TTC28: variants seen among roughly 807,000 people sequenced by gnomAD.
The protein encoded by TTC28 is tetratricopeptide repeat protein 28.
Under a neutral mutation model 198.0 loss-of-function variants are expected in TTC28, and 61 were observed. The observed-to-expected ratio is 0.31, with a 90% CI of 0.25 to 0.38. The LOEUF is 0.38. TTC28 is among the 10% of genes least tolerant of loss of function. The pLI is 1.00. For missense variants in TTC28, 2,678 were observed against 3,164.0 expected, an observed-to-expected ratio of 0.85 and a Z score of 3.69; for synonymous variants, 1,171 against 1,297.8, an observed-to-expected ratio of 0.90 and a Z score of 2.10.
intron 6 of TTC28, among the ~76,000 whole-genome samples, chr22:28,158,181 T>C (rs566471390): frequency 4.3e-4 from 66 of 152,112 alleles, no homozygotes; most frequent in African/African-American, 1.6e-3. Flanking sequence ...TACATAAAAT[T>C]AAATGCCTAG....
intron 2 of TTC28, among the ~76,000 whole-genome samples, chr22:28,526,516 C>G (rs1279417488): frequency 1.3e-5 from 2 of 152,112 alleles, no homozygotes; most frequent in Admixed American, 6.5e-5. Context: ...ATGTATACAG[C>G]TATTTGAGAA....
At chr22:28,225,905 T>C (rs1179907278) in intron 5 of TTC28, among the ~76,000 whole-genome samples, 1 of 152,248 alleles carries the variant, frequency 6.6e-6, no homozygotes, top group South Asian at 2.1e-4. Context: ...CTGTCTTTGT[T>C]GGGCTTCTTT....
In TTC28 at chr22:28,401,202, G is replaced by C. The variant is rs533191423; in HGVS notation, c.382-94559C>G. Among the ~76,000 whole-genome samples the C allele has an allele frequency of 1.8e-4, 28 of 151,882 alleles. 1 individual carries two copies. In the South Asian group the frequency reaches 5.8e-3, roughly 32 times the overall value. Reference sequence around the variant, plus strand: ...AAGGAAAAGGAGGGGGGGAGGAGGAGGAGGATGACGATGACGATGACGACG... The same window carrying C: ...AAGGAAAAGGAGGGGGGGAGGAGGACGAGGATGACGATGACGATGACGACG... On this transcript the variant is annotated intron_variant, in intron 2 of 22. Transcript: ENST00000397906.
intron 2 of TTC28, among the ~76,000 whole-genome samples, chr22:28,557,845 G>T (rs2049809426): frequency 6.6e-6 from 1 of 152,060 alleles, no homozygotes; most frequent in Non-Finnish European, 1.5e-5. Context: ...ATCTTCTCTG[G>T]TTCCCTTCAA....
chr22:28,663,117 G>C (rs887621920), intron 1 of TTC28, among the ~76,000 whole-genome samples: 1 of 151,746 alleles, frequency 6.6e-6, no homozygotes, highest in Non-Finnish European at 1.5e-5. Context: ...GCGTGGTGGC[G>C]AACGCCTGTA....
chr22:28,071,749 A>G (rs28429765), intron 12 of TTC28, among the ~76,000 whole-genome samples: 6,447 of 107,030 alleles, frequency 0.06, 67 homozygotes, highest in South Asian at 0.075. Context: ...AAAAAAAAGG[A>G]AAAAAAAAAA....
chr22:28,530,067 T>C (rs1039152927), intron 2 of TTC28, among the ~76,000 whole-genome samples: 9 of 152,274 alleles, frequency 5.9e-5, no homozygotes, highest in South Asian at 2.1e-4. Flanking sequence ...ACTTCGACGG[T>C]TGAGAGAAGA....
chr22:28,304,023 C>T (rs949699225), intron 3 of TTC28, among the ~76,000 whole-genome samples: 3 of 152,076 alleles, frequency 2.0e-5, no homozygotes, highest in African/African-American at 7.2e-5. Flanking sequence ...CGGTGGCTCA[C>T]GCCTGTAATC....
At chr22:28,465,612 G>A (rs905043744) in intron 2 of TTC28, among the ~76,000 whole-genome samples, 1 of 150,342 alleles carries the variant, frequency 6.7e-6, no homozygotes, top group African/African-American at 2.4e-5. Flanking sequence ...CAACAAGAGC[G>A]AAACTCCGTC....
chr22:28,386,339 T>G (rs2046593969), intron 2 of TTC28, among the ~76,000 whole-genome samples: 1 of 148,740 alleles, frequency 6.7e-6, no homozygotes, highest in Non-Finnish European at 1.5e-5. Context: ...GTTGGCATAT[T>G]CATCTCTTCT....
At chr22:28,379,172 A>T (rs1021833205) in intron 2 of TTC28, among the ~76,000 whole-genome samples, 12 of 152,184 alleles carry the variant, frequency 7.9e-5, no homozygotes, top group East Asian at 3.8e-4. Flanking sequence ...AAGCAAAAAA[A>T]ATATATAATT....
chr22:28,298,794 T>C (rs769602701), intron 3 of TTC28, among the ~76,000 whole-genome samples: 2 of 152,162 alleles, frequency 1.3e-5, no homozygotes, highest in South Asian at 2.1e-4. Flanking sequence ...ACCCTGTCCA[T>C]ATTTTTTCCT....
chr22:28,583,237 T>C (rs2050257732), intron 2 of TTC28, among the ~76,000 whole-genome samples: 1 of 152,214 alleles, frequency 6.6e-6, no homozygotes, highest in South Asian at 2.1e-4. Context: ...AAAAGATTGA[T>C]GTCACTTATA....
chr22:28,163,979 G>A (rs779069913), intron 5 of TTC28, among the ~76,000 whole-genome samples: 4 of 152,164 alleles, frequency 2.6e-5, no homozygotes, highest in African/African-American at 4.8e-5. Context: ...CTTAACAAAC[G>A]GCACACCAGG....
At chr22:28,131,274 CCCT>C (rs1943054804) in intron 6 of TTC28, among the ~76,000 whole-genome samples, 1 of 151,884 alleles carries the variant, frequency 6.6e-6, no homozygotes, top group African/African-American at 2.4e-5. Context: ...AAGATCAGTC[CCCT>C]ATTTAATTTT....
chr22:28,626,662 ATTT>A (rs1255930090), intron 2 of TTC28, among the ~76,000 whole-genome samples: 1 of 152,084 alleles, frequency 6.6e-6, no homozygotes, highest in Non-Finnish European at 1.5e-5. Context: ...TTATAAATTA[ATTT>A]TATTATCATA....
intron 1 of TTC28, among the ~76,000 whole-genome samples, chr22:28,650,982 G>A (rs975976063): frequency 2.0e-5 from 3 of 152,184 alleles, no homozygotes. Context: ...CAGTTTTACT[G>A]GAACACAGCC....
Position 28,312,880 on chromosome 22 carries a change from A to T in TTC28, c.382-6237T>A, listed in dbSNP as rs138005522. Among the ~76,000 whole-genome samples, 143 of 152,294 alleles carry T rather than the reference A, an allele frequency of 9.4e-4. 1 individual carries two copies. In the East Asian group the frequency reaches 0.024, roughly 25 times the overall value. The stretch of plus-strand genomic sequence containing the variant: ...TAAGATCAGAGCAGAACTGAAGGAG[A>T]TAGAGACACAAAAAAACCTTCAAAA... On this transcript the variant is annotated intron_variant, in intron 2 of 22. Transcript: ENST00000397906.
chr22:28,289,256 G>T (rs1264446450), intron 5 of TTC28, among the ~76,000 whole-genome samples: 1 of 152,178 alleles, frequency 6.6e-6, no homozygotes, highest in East Asian at 1.9e-4. Context: ...CAGGAGGCAG[G>T]TGGGTAGAGA....
Sources: gnomAD v4.1 joint callset for allele counts (sites outside exome capture counted in the v4.1 genomes callset) on GRCh38, gnomAD v4.1.1 for gene constraint, MANE v1.5 for transcripts, NCBI Gene and HGNC (gene_info 2026-07-23, HGNC 2026-07-21) for gene names.